Variants in GNA15 observed in about 807,000 individuals in gnomAD.
The protein encoded by GNA15 is G protein subunit alpha 15.
GNA15 carries 23 observed loss-of-function variants against 40.1 expected under a neutral mutation model. The observed-to-expected ratio is 0.57, with a 90% CI of 0.41 to 0.81. The LOEUF (loss-of-function observed/expected upper bound fraction) is 0.81. Among genes scored for constraint, GNA15 ranks in the 40% least tolerant of loss-of-function variants. GNA15 has a pLI of 0.00. For synonymous variants in GNA15, 226 were observed against 210.4 expected (o/e 1.07, Z -0.64); for missense variants, 522 against 515.8 (o/e 1.01, Z -0.12).
rs769689130 is a variant in GNA15 at position 3,150,128 on chromosome 19, C to T, written c.331-3C>T. On this transcript the variant is annotated splice_polypyrimidine_tract_variant and splice_region_variant and intron_variant, in intron 2 of 6. Transcript: ENST00000262958. ...CCTAACTGCCCCCGTCCTCCCTCCC[C>T]AGCACCACGCTAGCCTGGTCATGAG... The T allele has an allele frequency of 6.2e-7, 1 of 1,612,144 alleles. No individual in the cohort carries two copies. The highest frequency in any genetic ancestry group is 8.5e-7 in the Non-Finnish European group (1 of 1,179,394).
chr19:3,162,626 G>A (rs1327740166), intron 6 of GNA15, among the ~76,000 whole-genome samples, 167 bp from the exon 7 acceptor site: 1 of 151,766 alleles, frequency 6.6e-6, no homozygotes, highest in African/African-American at 2.4e-5. Flanking sequence ...GGCTGGGCCG[G>A]AGTCGTGTGA....
At chr19:3,139,560 A>C (rs1415087147) in intron 1 of GNA15, among the ~76,000 whole-genome samples, 1 of 143,408 alleles carries the variant, frequency 7.0e-6, no homozygotes, top group Non-Finnish European at 1.5e-5. Flanking sequence ...ATGCCACTGC[A>C]CTCCAGCCTG....
Position 3,148,604 on chromosome 19 carries a change from CG to C in GNA15, c.162del (p.Lys55ArgfsTer39). 7 of 1,579,850 alleles carry C rather than the reference CG, an allele frequency of 4.4e-6. No homozygotes were observed. Among genetic ancestry groups the C allele is most frequent in the Non-Finnish European group, 6.0e-6 (7 of 1,162,556 alleles). ...KLLLLGPGES[G>X]KSTFIKQMRI... ...CTCCATCCCCAGGCCCAGGCGAGAG[CG>C]GGAAGAGCACCTTCATCAAGCAGAT... On this transcript the variant is annotated frameshift_variant, in exon 2 of 7. Coordinates refer to ENST00000262958, the MANE Select transcript of GNA15 (RefSeq NM_002068.4). LOFTEE classifies it high-confidence loss of function.
In GNA15 at chr19:3,155,712, A is replaced by C; in HGVS notation, c.615-111A>C. ...GCAAATCCACGAGAGGCTAGCACCTATTCTTGCTGTCGCTATTATGGATCT... is the reference window on the plus strand; with the variant it reads ...GCAAATCCACGAGAGGCTAGCACCTCTTCTTGCTGTCGCTATTATGGATCT... On this transcript the variant is annotated intron_variant, in intron 4 of 6. Transcript: ENST00000262958. This position sits in a 1 kb window ranked among gnomAD's most constrained non-coding sequence, Gnocchi z 5.6. The C allele has an allele frequency of 8.0e-7, 1 of 1,245,808 alleles. No individual in the cohort carries two copies. The highest frequency in any genetic ancestry group is 1.1e-6 in the Non-Finnish European group (1 of 893,234). The allele number at this position is 1,245,808 out of a possible 1,614,324, so 77.2% of individuals were successfully genotyped here.
intron 2 of GNA15, chr19:3,149,078 C>T (rs1914811054): frequency 5.4e-6 from 2 of 367,740 alleles, no homozygotes; most frequent in Admixed American, 8.4e-5. Flanking sequence ...TGCCCACATG[C>T]ACACACCCAC....
intron 6 of GNA15, among the ~76,000 whole-genome samples, chr19:3,159,275 C>T (rs368134202): frequency 3.3e-5 from 5 of 151,862 alleles, no homozygotes; most frequent in Admixed American, 6.6e-5. Flanking sequence ...CCACCTGTCT[C>T]GGCCTCCCAA....
intron 6 of GNA15, among the ~76,000 whole-genome samples, chr19:3,161,664 A>G (rs532711130): frequency 1.3e-5 from 2 of 152,310 alleles, no homozygotes; most frequent in East Asian, 3.9e-4. Flanking sequence ...CATTCAGGTC[A>G]AAGGGAACCA....
chr19:3,159,137 G>T (rs1333526639), intron 6 of GNA15, among the ~76,000 whole-genome samples: 1 of 151,758 alleles, frequency 6.6e-6, no homozygotes, highest in African/African-American at 2.4e-5. Flanking sequence ...CCATTCTGCT[G>T]CCTCAGCCTC....
At chr19:3,156,775 C>T (rs548214568) in intron 5 of GNA15, among the ~76,000 whole-genome samples, 5 of 152,144 alleles carry the variant, frequency 3.3e-5, no homozygotes, top group South Asian at 2.1e-4. Context: ...GGATTACAGG[C>T]GTGAGCCACT....
Position 3,151,746 on chromosome 19 carries a change from C to T in GNA15, c.525C>T (p.Tyr175=), listed in dbSNP as rs372177672. Residue 175 remains tyrosine (Y), a synonymous_variant, in exon 4 of 7, where the codon TAC becomes TAT. Transcript: ENST00000262958. The surrounding 1 kb of genome is among the most constrained non-coding windows in gnomAD (Gnocchi z 5.0). ...TGGAGCGCATCACCGAGGAGGGCTACGTCCCCACAGCTCAGGACGTGCTCC... is the reference window on the plus strand; with the variant it reads ...TGGAGCGCATCACCGAGGAGGGCTATGTCCCCACAGCTCAGGACGTGCTCC... ...SHLERITEEG[Y]VPTAQDVLRS... 3.5e-5 allele frequency: 56 copies of T among 1,610,412 alleles called. No homozygotes were observed. The highest frequency in any genetic ancestry group is 6.6e-5 in the South Asian group (6 of 90,868).
At chr19:3,139,751 C>T (rs1914533304) in intron 1 of GNA15, among the ~76,000 whole-genome samples, 1 of 151,600 alleles carries the variant, frequency 6.6e-6, no homozygotes, top group Non-Finnish European at 1.5e-5. Flanking sequence ...TATAAAAAAT[C>T]AGGGCTGGGT....
At chr19:3,161,332 A>G (rs372966781) in intron 6 of GNA15, among the ~76,000 whole-genome samples, 2 of 152,318 alleles carry the variant, frequency 1.3e-5, no homozygotes, top group African/African-American at 2.4e-5. Flanking sequence ...CCAGGTGGAC[A>G]TGAATTTTGG....
intron 4 of GNA15, among the ~76,000 whole-genome samples, chr19:3,153,237 A>G (rs896129586): frequency 4.0e-5 from 6 of 148,494 alleles, no homozygotes; most frequent in Non-Finnish European, 9.0e-5. Context: ...TATGGGAGAG[A>G]TACTTGGTCT....
At chr19:3,147,039 T>C (rs1377389270) in intron 1 of GNA15, among the ~76,000 whole-genome samples, 1 of 152,274 alleles carries the variant, frequency 6.6e-6, no homozygotes, top group East Asian at 1.9e-4. Context: ...CTCTAAGATT[T>C]TGACAGCCAC....
At position 3,162,859 on chromosome 19, in the gene GNA15, G is replaced by A; in HGVS notation, c.965G>A (p.Gly322Glu). The change falls in exon 7 of 7, where the codon GGG (glycine) becomes GAG (glutamate). Residue 322 changes from glycine to glutamate, a missense_variant. Gly to Glu is a moderately conservative substitution (Grantham distance 98). Transcript: ENST00000262958. ...ILDMYTRMYT[G>E]CVDGPEGSKK... is the part of the protein sequence containing the mutation. ...GACATGTACACGAGGATGTACACCG[G>A]GTGCGTGGACGGCCCCGAGGGCAGC... 6.2e-7 allele frequency: 1 copy of A among 1,614,086 alleles called. No individual in the cohort carries two copies. The highest frequency in any genetic ancestry group is 8.5e-7 in the Non-Finnish European group (1 of 1,179,976).
In GNA15 at chr19:3,155,946, C is replaced by T. The variant is rs1422363317; in HGVS notation, c.738C>T (p.Asn246=). Residue 246 remains asparagine (N), a synonymous_variant, in exon 5 of 7, where the codon AAC becomes AAT. Coordinates refer to ENST00000262958, the MANE Select transcript of GNA15 (RefSeq NM_002068.4). This position sits in a 1 kb window ranked among gnomAD's most constrained non-coding sequence, Gnocchi z 5.6. ...ACGACCAGTGCCTGGAGGAGAACAA[C>T]CAGGAGGTGCGCCACCGCCTCCCTC... The part of the protein sequence containing the change: ...SEYDQCLEEN[N]QENRMKESLA... 1.2e-6 allele frequency: 2 copies of T among 1,613,692 alleles called. No individual in the cohort carries two copies. The highest frequency in any genetic ancestry group is 1.7e-6 in the Non-Finnish European group (2 of 1,179,750).
At chr19:3,140,758 A>G (rs1040675892) in intron 1 of GNA15, among the ~76,000 whole-genome samples, 4 of 152,204 alleles carry the variant, frequency 2.6e-5, no homozygotes, top group African/African-American at 9.6e-5. Flanking sequence ...GAATGAATGA[A>G]TGAATGAATG....
chr19:3,157,069 C>G (rs2144861635), intron 5 of GNA15, among the ~76,000 whole-genome samples: 2 of 152,154 alleles, frequency 1.3e-5, no homozygotes, highest in East Asian at 1.9e-4. Flanking sequence ...GCGATCTCAG[C>G]TCACTGCAAC....
chr19:3,149,481 G>A (rs1165830140), intron 2 of GNA15: 1 of 155,838 alleles, frequency 6.4e-6, no homozygotes, highest in East Asian at 1.9e-4. Flanking sequence ...TGCAGCCAAG[G>A]ATACATGCGC....
Sources: allele counts gnomAD v4.1 joint callset (sites outside exome capture counted in the v4.1 genomes callset), GRCh38; gene constraint gnomAD v4.1.1; non-coding constraint Gnocchi (gnomAD v3.1); transcripts MANE v1.5; gene names NCBI Gene and HGNC (gene_info 2026-07-23, HGNC 2026-07-21).